ADAMTS17: variants seen among roughly 807,000 people sequenced by gnomAD.
The protein encoded by ADAMTS17 is A disintegrin and metalloproteinase with thrombospondin motifs 17.
Under a neutral mutation model 141.5 loss-of-function variants are expected in ADAMTS17, and 113 were observed. That is an observed-to-expected ratio of 0.80 (90% CI 0.69 to 0.93). The LOEUF is 0.93. Among genes scored for constraint, ADAMTS17 ranks in the 40% least tolerant of loss-of-function variants. ADAMTS17 has a pLI of 0.00. For missense variants in ADAMTS17, 1,659 were observed against 1,517.9 expected (o/e 1.09, Z -1.54); for synonymous variants, 768 against 630.6 (o/e 1.22, Z -3.27).
chr15:100,093,860 G>A (rs1054081833), intron 15 of ADAMTS17, among the ~76,000 whole-genome samples: 1 of 152,082 alleles, frequency 6.6e-6, no homozygotes, highest in African/African-American at 2.4e-5. Flanking sequence ...ATGTAGTCAT[G>A]CTGCATAAAT....
intron 7 of ADAMTS17, among the ~76,000 whole-genome samples, chr15:100,248,587 C>T (rs998035312): frequency 1.3e-5 from 2 of 152,204 alleles, no homozygotes; most frequent in Admixed American, 1.3e-4. Flanking sequence ...AGGAAATGTG[C>T]ACACCCCACA....
intron 8 of ADAMTS17, among the ~76,000 whole-genome samples, chr15:100,193,130 G>T (rs1471686816): frequency 6.6e-6 from 1 of 152,250 alleles, no homozygotes; most frequent in Non-Finnish European, 1.5e-5. Flanking sequence ...CTCTGGCCTT[G>T]CAGGGCTCCA....
At chr15:99,999,670 G>A (rs1046303505) in intron 18 of ADAMTS17, among the ~76,000 whole-genome samples, 6 of 152,166 alleles carry the variant, frequency 3.9e-5, no homozygotes, top group East Asian at 1.9e-4. Context: ...GGAGTGACAT[G>A]TTCCTTTCGG....
intron 4 of ADAMTS17, among the ~76,000 whole-genome samples, chr15:100,265,520 G>A (rs951474352): frequency 6.6e-6 from 1 of 152,216 alleles, no homozygotes; most frequent in African/African-American, 2.4e-5. Flanking sequence ...TAGCAGGGTG[G>A]ACCTGCCGCC....
intron 7 of ADAMTS17, among the ~76,000 whole-genome samples, chr15:100,227,535 G>A (rs1041506027): frequency 1.3e-5 from 2 of 152,232 alleles, no homozygotes; most frequent in African/African-American, 4.8e-5. Context: ...GTCTGGAGAG[G>A]CAGGCGGCCC....
At position 100,157,091 on chromosome 15, in the gene ADAMTS17, T is replaced by A. The variant is rs140271894; in HGVS notation, c.1182-1771A>T. Among the ~76,000 whole-genome samples the A allele has an allele frequency of 3.9e-4, 60 of 152,250 alleles. 3 individuals are homozygous for A. The East Asian group carries it at 0.012, about 29-fold the overall frequency. On this transcript the variant is annotated intron_variant, in intron 8 of 21. Transcript: ENST00000268070. ...GGGAGAGAAGCACAAGCAAGGAAAA[T>A]GCCAGATGCTTACAAACCCATCAGA...
intron 13 of ADAMTS17, 63 bp downstream of exon 13, chr15:100,116,784 G>T: frequency 6.2e-7 from 1 of 1,610,300 alleles, no homozygotes; most frequent in Non-Finnish European, 8.5e-7. Context: ...TTCCCTAGGT[G>T]GTTTTTATAT....
chr15:100,067,825 G>C (rs2033652564), intron 15 of ADAMTS17, among the ~76,000 whole-genome samples: 1 of 152,130 alleles, frequency 6.6e-6, no homozygotes, highest in Non-Finnish European at 1.5e-5. Flanking sequence ...CCCAGTGTGA[G>C]TGACACAGAA....
At chr15:100,226,015 G>T (rs1280246771) in intron 7 of ADAMTS17, among the ~76,000 whole-genome samples, 2 of 144,338 alleles carry the variant, frequency 1.4e-5, no homozygotes, top group African/African-American at 5.2e-5. Context: ...GTGCCATTCA[G>T]TCCTTATAGC....
rs768045774 is a variant in ADAMTS17, at chr15:100,281,389, G to A, written c.629C>T (p.Pro210Leu). ...LCKVLTEKKKPTWGRPSRDWR... is the reference protein window; with the variant it reads ...LCKVLTEKKKLTWGRPSRDWR... ...GTCCCGCGAAGGCCTGCCCCACGTC[G>A]GCTTCTTCTTTTCTAGAAAATGATG... The change falls in exon 4 of 22, where the codon CCG (proline) becomes CTG (leucine). Residue 210 changes from proline to leucine, a missense_variant. Pro to Leu is a moderately conservative substitution (Grantham distance 98). Coordinates refer to ENST00000268070, the MANE Select transcript of ADAMTS17 (RefSeq NM_139057.4). 28 of 1,612,362 alleles carry A rather than the reference G, an allele frequency of 1.7e-5. No individual in the cohort carries two copies. Among genetic ancestry groups the A allele is most frequent in the African/African-American group, 5.3e-5 (4 of 74,908 alleles).
chr15:100,003,922 A>G (rs2060980395), intron 18 of ADAMTS17, among the ~76,000 whole-genome samples: 1 of 150,666 alleles, frequency 6.6e-6, no homozygotes, highest in Non-Finnish European at 1.5e-5. Flanking sequence ...AGAAGATAGA[A>G]AAGTTCTGTG....
chr15:100,271,719 A>G (rs1272956194), intron 4 of ADAMTS17, among the ~76,000 whole-genome samples: 1 of 152,156 alleles, frequency 6.6e-6, no homozygotes, highest in Non-Finnish European at 1.5e-5. Context: ...TTGAGGCACA[A>G]GAGTTTTTAA....
At chr15:100,035,940 A>T (rs998374535) in intron 18 of ADAMTS17, among the ~76,000 whole-genome samples, 1 of 152,170 alleles carries the variant, frequency 6.6e-6, no homozygotes, top group African/African-American at 2.4e-5. Context: ...TACTGCTCAG[A>T]GACATAGGGG....
chr15:100,091,878 A>C (rs1170782968), intron 15 of ADAMTS17, among the ~76,000 whole-genome samples: 1 of 152,162 alleles, frequency 6.6e-6, no homozygotes, highest in Non-Finnish European at 1.5e-5. Flanking sequence ...GAATATTACT[A>C]TCTTACGTTT....
intron 7 of ADAMTS17, 117 bp downstream of exon 7, chr15:100,254,019 A>G: frequency 1.0e-6 from 1 of 961,822 alleles, no homozygotes; most frequent in South Asian, 1.4e-5. Context: ...ACAGGAAGGA[A>G]GGCAACAGAA....
At chr15:100,074,454 CT>C (rs2034224731) in intron 15 of ADAMTS17, among the ~76,000 whole-genome samples, 1 of 152,112 alleles carries the variant, frequency 6.6e-6, no homozygotes, top group South Asian at 2.1e-4. Flanking sequence ...TTGAATTTTA[CT>C]GCATGCTCTT....
At chr15:100,220,342 A>G (rs977484183) in intron 7 of ADAMTS17, among the ~76,000 whole-genome samples, 1 of 151,662 alleles carries the variant, frequency 6.6e-6, no homozygotes, top group African/African-American at 2.4e-5. Context: ...GCGGAAGCAT[A>G]TGCTTTTCTT....
chr15:100,114,024 A>G (rs139198484), intron 13 of ADAMTS17, among the ~76,000 whole-genome samples: 107 of 152,294 alleles, frequency 7.0e-4, no homozygotes, highest in Non-Finnish European at 1.4e-3. Flanking sequence ...GGCCATCTCA[A>G]TGGGTTTCTG....
intron 18 of ADAMTS17, among the ~76,000 whole-genome samples, chr15:100,004,094 C>T (rs1036068052): frequency 4.6e-5 from 7 of 152,204 alleles, no homozygotes; most frequent in African/African-American, 7.2e-5. Flanking sequence ...GAAGAAAAGT[C>T]GCAGAAGCGA....
Sources: gnomAD v4.1 joint callset for allele counts (sites outside exome capture counted in the v4.1 genomes callset) on GRCh38, gnomAD v4.1.1 for gene constraint, MANE v1.5 for transcripts, NCBI Gene and HGNC (gene_info 2026-07-23, HGNC 2026-07-21) for gene names.